Variants in AP2S1 observed in about 807,000 individuals in gnomAD.
The protein encoded by AP2S1 is AP-2 complex subunit sigma.
AP2S1 carries 6 observed loss-of-function variants against 21.0 expected under a neutral mutation model. That is an observed-to-expected ratio of 0.29 (90% CI 0.16 to 0.56). The LOEUF (loss-of-function observed/expected upper bound fraction) is 0.56. AP2S1 is among the 20% of genes least tolerant of loss of function. The pLI, the probability that AP2S1 is intolerant of heterozygous loss-of-function variation, is 0.92. For synonymous variants in AP2S1, 63 were observed against 74.6 expected, an observed-to-expected ratio of 0.84 and a Z score of 0.80; for missense variants, 60 against 186.2, an observed-to-expected ratio of 0.32 and a Z score of 3.95.
chr19:46,845,908 T>A, intron 2 of AP2S1, 85 bp downstream of exon 2: 2 of 1,572,106 alleles, frequency 1.3e-6, no homozygotes, highest in Non-Finnish European at 1.7e-6. Flanking sequence ...GTCCAAGGGG[T>A]TCTTGCAACT....
At chr19:46,840,170 TAC>T (rs756234175) in intron 2 of AP2S1, among the ~76,000 whole-genome samples, 2 of 151,908 alleles carry the variant, frequency 1.3e-5, no homozygotes, top group East Asian at 1.9e-4. Flanking sequence ...AAATGCGATA[TAC>T]ACAGTTAGCA....
At chr19:46,847,830 C>T (rs373061574) in intron 1 of AP2S1, among the ~76,000 whole-genome samples, 18 of 152,104 alleles carry the variant, frequency 1.2e-4, no homozygotes, top group East Asian at 1.2e-3. Context: ...GGCCGTACTT[C>T]GGGCATTTGG....
intron 2 of AP2S1, among the ~76,000 whole-genome samples, chr19:46,845,110 A>AG (rs2055604936): frequency 7.1e-6 from 1 of 141,418 alleles, no homozygotes; most frequent in African/African-American, 2.7e-5. Flanking sequence ...GAAAAAAAAA[A>AG]AAAAAAAGGC....
intron 2 of AP2S1, among the ~76,000 whole-genome samples, chr19:46,843,950 G>A (rs1056806672): frequency 6.6e-6 from 1 of 151,756 alleles, no homozygotes; most frequent in African/African-American, 2.4e-5. Context: ...TTGTTCTGTT[G>A]CCCAGGCTGG....
intron 2 of AP2S1, among the ~76,000 whole-genome samples, chr19:46,843,980 G>A (rs574615113): frequency 6.6e-6 from 1 of 151,872 alleles, no homozygotes; most frequent in East Asian, 1.9e-4. Flanking sequence ...GCACGATCTC[G>A]GCTCACTGCA....
chr19:46,848,039 G>C (rs1180391705), intron 1 of AP2S1, among the ~76,000 whole-genome samples: 1 of 151,904 alleles, frequency 6.6e-6, no homozygotes, highest in Non-Finnish European at 1.5e-5. Context: ...CTTAACTTTG[G>C]TGCCACTTTG....
intron 1 of AP2S1, 92 bp downstream of exon 1, chr19:46,850,672 A>G (rs763122577): frequency 2.6e-6 from 3 of 1,174,660 alleles, no homozygotes; most frequent in Middle Eastern, 1.9e-4. Flanking sequence ...CATCCGCGGC[A>G]GAGAAGGGAC....
chr19:46,838,665 G>A lies in AP2S1; in HGVS notation c.327+75C>T. 5.7e-6 allele frequency: 9 copies of A among 1,573,370 alleles called. No homozygotes were observed. The highest frequency in any genetic ancestry group is 7.9e-6 in the Non-Finnish European group (9 of 1,144,536). On this transcript the variant is annotated intron_variant, in intron 4 of 4. Coordinates refer to ENST00000263270, the MANE Select transcript of AP2S1 (RefSeq NM_004069.6). This position sits in a 1 kb window ranked among gnomAD's most constrained non-coding sequence, Gnocchi z 4.1. ...GACACAGACCTCAGCAGAGGCTCCG[G>A]GTGGCTAGTGCACCACGGGTCCCCC...
chr19:46,839,741 C>T, intron 2 of AP2S1, 163 bp from the exon 3 acceptor site: 1 of 1,242,478 alleles, frequency 8.0e-7, no homozygotes, highest in Non-Finnish European at 1.1e-6. Context: ...ACAGCCCTAA[C>T]CCTGCTCACA....
At chr19:46,844,117 G>A (rs1221107609) in intron 2 of AP2S1, among the ~76,000 whole-genome samples, 1 of 151,918 alleles carries the variant, frequency 6.6e-6, no homozygotes, top group Non-Finnish European at 1.5e-5. Flanking sequence ...CATCATGTTG[G>A]TCAGGCTGGT....
chr19:46,842,637 C>T lies in AP2S1; in HGVS notation c.154-3059G>A, dbSNP rs116038872. ...ATCATTGGGCCTCACTGACCCCTCCCGCGCCCCAGCCCTCAGCACAGGACC... is the reference window on the plus strand; with the variant it reads ...ATCATTGGGCCTCACTGACCCCTCCTGCGCCCCAGCCCTCAGCACAGGACC... On this transcript the variant is annotated intron_variant, in intron 2 of 4. Coordinates refer to ENST00000263270, the MANE Select transcript of AP2S1 (RefSeq NM_004069.6). Among the ~76,000 whole-genome samples the T allele has an allele frequency of 7.8e-3, 1,180 of 152,182 alleles. 21 individuals carry two copies. Among genetic ancestry groups the T allele is most frequent in the African/African-American group, 0.027 (1,111 of 41,496 alleles).
At chr19:46,839,719 G>C (rs1462967631) in intron 2 of AP2S1, 141 bp from the exon 3 acceptor site, 2 of 1,409,090 alleles carry the variant, frequency 1.4e-6, no homozygotes, top group Non-Finnish European at 1.9e-6. Flanking sequence ...TGGGGTCACA[G>C]CAGTGACCGA....
chr19:46,850,265 C>T, intron 1 of AP2S1: 1 of 1,234,536 alleles, frequency 8.1e-7, no homozygotes, highest in East Asian at 3.2e-5. Flanking sequence ...GTCTCCTGCC[C>T]CTGTCTCAAC....
chr19:46,847,571 C>T (rs2055659005), intron 1 of AP2S1, among the ~76,000 whole-genome samples: 1 of 152,062 alleles, frequency 6.6e-6, no homozygotes, highest in Non-Finnish European at 1.5e-5. Flanking sequence ...ATCATCTCCC[C>T]CCAAAAAACT....
intron 2 of AP2S1, among the ~76,000 whole-genome samples, chr19:46,843,929 TGA>T (rs1362565919): frequency 6.6e-6 from 1 of 151,864 alleles, no homozygotes; most frequent in African/African-American, 2.4e-5. Flanking sequence ...CTTTTTTTTT[TGA>T]GAGGAGTCTT....
At position 46,844,873 on chromosome 19, in the gene AP2S1, G is replaced by A. The variant is rs572997858; in HGVS notation, c.153+1120C>T. Among the ~76,000 whole-genome samples, 3 of 151,874 alleles carry A rather than the reference G, an allele frequency of 2.0e-5. No homozygotes were observed. The South Asian group carries it at 6.2e-4, about 32-fold the overall frequency. ...TCCCAGCACTTTGGGAGGCCAAGGCGGGTGGATCACTTGAGATCAGGAGGT... is the reference window on the plus strand; with the variant it reads ...TCCCAGCACTTTGGGAGGCCAAGGCAGGTGGATCACTTGAGATCAGGAGGT... On this transcript the variant is annotated intron_variant, in intron 2 of 4. Transcript: ENST00000263270.
intron 1 of AP2S1, 46 bp from the exon 2 acceptor site, chr19:46,846,188 G>A: frequency 1.2e-6 from 2 of 1,609,072 alleles, no homozygotes; most frequent in East Asian, 4.5e-5. Context: ...AGGCAGAGAG[G>A]GCGGGTTGGG....
intron 1 of AP2S1, chr19:46,850,151 T>C (rs1346643453): frequency 3.0e-5 from 37 of 1,232,134 alleles, no homozygotes; most frequent in Non-Finnish European, 3.6e-5. Flanking sequence ...TCCTCTCTCC[T>C]TTTACAGCGC....
At chr19:46,850,305 G>A (rs2055715484) in intron 1 of AP2S1, 1 of 1,237,694 alleles carries the variant, frequency 8.1e-7, no homozygotes, top group Admixed American at 4.1e-5. Flanking sequence ...TCAGATCCTT[G>A]TCTCTAGAGA....
Sources: allele counts gnomAD v4.1 joint callset (sites outside exome capture counted in the v4.1 genomes callset), GRCh38; gene constraint gnomAD v4.1.1; non-coding constraint Gnocchi (gnomAD v3.1); transcripts MANE v1.5; gene names NCBI Gene and HGNC (gene_info 2026-07-23, HGNC 2026-07-21).